The following CFAP54 variants were observed in gnomAD, a reference collection of about 807,000 sequenced individuals.
The protein encoded by CFAP54 is cilia- and flagella-associated protein 54.
A neutral mutation model predicts 370.4 loss-of-function variants in CFAP54; 290 were observed. The observed-to-expected ratio is 0.78, with a 90% CI of 0.71 to 0.86. CFAP54 has a LOEUF of 0.86. CFAP54 is among the 40% of genes least tolerant of loss of function. CFAP54 has a pLI of 0.00. For missense variants in CFAP54, 3,399 were observed against 3,528.7 expected, an observed-to-expected ratio of 0.96 and a Z score of 0.93; for synonymous variants, 1,206 against 1,236.5, an observed-to-expected ratio of 0.98 and a Z score of 0.52.
In CFAP54 at chr12:96,691,320, T is replaced by A; in HGVS notation, c.6264+10T>A. 6.4e-7 allele frequency: 1 copy of A among 1,558,318 alleles called. No homozygotes were observed. Among genetic ancestry groups the A allele is most frequent in the Non-Finnish European group, 8.7e-7 (1 of 1,154,320 alleles). On this transcript the variant is annotated intron_variant, in intron 44 of 67. Coordinates refer to ENST00000524981, the MANE Select transcript of CFAP54 (RefSeq NM_001306084.2). The stretch of plus-strand genomic sequence containing the variant: ...TAGGCAAAACCTAATAGTAAGTAAT[T>A]TGTAAAATAAAAATTATATATCACT...
In CFAP54 at chr12:96,684,629, T is replaced by C. The variant is rs1317965408; in HGVS notation, c.5717-19T>C. ...TTCTAGGAACTGACATTTGTTCTTT[T>C]ACTTGATTAAAAATATAGATGTTCT... On this transcript the variant is annotated intron_variant, in intron 40 of 67. Coordinates refer to ENST00000524981, the MANE Select transcript of CFAP54 (RefSeq NM_001306084.2). 1.3e-6 allele frequency: 2 copies of C among 1,579,648 alleles called. No individual in the cohort carries two copies. The highest frequency in any genetic ancestry group is 1.7e-6 in the Non-Finnish European group (2 of 1,161,470).
chr12:96,816,809 G>A (rs1294975578), intron 64 of CFAP54, among the ~76,000 whole-genome samples: 1 of 152,198 alleles, frequency 6.6e-6, no homozygotes, highest in Non-Finnish European at 1.5e-5. Context: ...TCAACTGTAA[G>A]CCTTTTCACC....
At position 96,503,898 on chromosome 12, in the gene CFAP54, G is replaced by A; in HGVS notation, c.436G>A (p.Ala146Thr). ...SLCQMKEYKL[A>T]LLQCYGRYLQ... Reference sequence around the variant, plus strand: ...CCTTTTGTTTCAGGAATACAAACTGGCCCTTTTACAATGCTATGGAAGATA... The same window carrying A: ...CCTTTTGTTTCAGGAATACAAACTGACCCTTTTACAATGCTATGGAAGATA... The change falls in exon 3 of 68, where the codon GCC (alanine) becomes ACC (threonine). Residue 146 changes from alanine (A) to threonine (T), a missense_variant. Transcript: ENST00000524981. 6.7e-7 allele frequency: 1 copy of A among 1,486,528 alleles called. No homozygotes were observed. Among genetic ancestry groups the A allele is most frequent in the South Asian group, 1.3e-5 (1 of 74,704 alleles). 92.1% of individuals were successfully genotyped at this position (1,486,528 alleles called of 1,614,324 possible). A position where few individuals can be genotyped will look rare whatever the true frequency, so the allele number is the denominator to read the frequency against.
At position 96,594,430 on chromosome 12, in the gene CFAP54, T is replaced by C. The variant is rs1388907542; in HGVS notation, c.3500T>C (p.Leu1167Ser). The C allele has an allele frequency of 2.0e-6, 3 of 1,533,114 alleles. No homozygotes were observed. The highest frequency in any genetic ancestry group is 2.4e-5 in the East Asian group (1 of 40,872). 95.0% of individuals were successfully genotyped at this position (1,533,114 alleles called of 1,614,324 possible). A position where few individuals can be genotyped will look rare whatever the true frequency, so the allele number is the denominator to read the frequency against. The change falls in exon 25 of 68, where the codon TTG (leucine) becomes TCG (serine). Residue 1167 changes from leucine (L) to serine (S), a missense_variant. This residue lies in a region of CFAP54 where 2,796 missense variants were observed against 2,869.7 expected (regional missense o/e 0.97). Transcript: ENST00000524981. Reference protein sequence around the residue: ...LAPIIYHNIVLVPVVQILIKC... With the variant: ...LAPIIYHNIVSVPVVQILIKC... ...CCCATAATTTATCACAATATTGTTT[T>C]GGTACCTGTTGTACAGGTAAGGGTA... is the stretch of plus-strand genomic sequence containing the variant.
intron 25 of CFAP54, among the ~76,000 whole-genome samples, chr12:96,595,121 T>A (rs1956163646): frequency 6.6e-6 from 1 of 152,142 alleles, no homozygotes; most frequent in Admixed American, 6.5e-5. Context: ...AGAATTCATT[T>A]CCTTGAGGTT....
intron 15 of CFAP54, among the ~76,000 whole-genome samples, chr12:96,551,515 G>A (rs1325298708): frequency 6.6e-6 from 1 of 150,726 alleles, no homozygotes; most frequent in Non-Finnish European, 1.5e-5. Flanking sequence ...GTGTGTGTGT[G>A]TGTGTGTGTC....
At chr12:96,624,020 C>G in intron 28 of CFAP54, 139 bp downstream of exon 28, 1 of 576,478 alleles carries the variant, frequency 1.7e-6, no homozygotes, top group Non-Finnish European at 3.0e-6. Flanking sequence ...ATCATTAATC[C>G]TAACAATACC....
intron 65 of CFAP54, among the ~76,000 whole-genome samples, chr12:96,827,694 ATATAT>A (rs1227238874): frequency 1.3e-4 from 7 of 52,028 alleles, no homozygotes; most frequent in African/African-American, 3.8e-4. Context: ...ATACATAGTA[ATATAT>A]TATATTATAT....
intron 65 of CFAP54, among the ~76,000 whole-genome samples, chr12:96,826,621 A>G (rs1959109347): frequency 9.2e-6 from 1 of 108,168 alleles, no homozygotes; most frequent in African/African-American, 3.8e-5. Flanking sequence ...ATATCATGAT[A>G]TATGTTATAT....
chr12:96,527,088 G>A (rs1439219031), intron 8 of CFAP54, among the ~76,000 whole-genome samples, 158 bp from the exon 9 acceptor site: 1 of 151,926 alleles, frequency 6.6e-6, no homozygotes, highest in African/African-American at 2.4e-5. Flanking sequence ...GTTGAAATGG[G>A]GGTCTCACTG....
intron 66 of CFAP54, among the ~76,000 whole-genome samples, chr12:96,837,361 T>G (rs1400381554): frequency 6.6e-6 from 1 of 152,226 alleles, no homozygotes; most frequent in African/African-American, 2.4e-5. Context: ...TATCTGGTAC[T>G]GAGTTATCAT....
chr12:96,548,962 C>T (rs1955667552), intron 15 of CFAP54, among the ~76,000 whole-genome samples: 1 of 151,968 alleles, frequency 6.6e-6, no homozygotes, highest in Non-Finnish European at 1.5e-5. Context: ...TCAAGCCAGT[C>T]TCCTGCCTCA....
intron 40 of CFAP54, among the ~76,000 whole-genome samples, chr12:96,683,346 C>T (rs1957291873): frequency 6.6e-6 from 1 of 152,176 alleles, no homozygotes; most frequent in Non-Finnish European, 1.5e-5. Context: ...CAAATACTAT[C>T]AACATGGTTA....
At chr12:96,573,062 T>C in intron 19 of CFAP54, 1 of 984,716 alleles carries the variant, frequency 1.0e-6, no homozygotes, top group Non-Finnish European at 1.2e-6. Context: ...TCAAAGGCAG[T>C]CTGCTTGACT....
At chr12:96,611,784 T>A (rs1294482267) in intron 26 of CFAP54, among the ~76,000 whole-genome samples, 1 of 151,282 alleles carries the variant, frequency 6.6e-6, no homozygotes, top group African/African-American at 2.4e-5. Flanking sequence ...TGAAGTTGAT[T>A]CGATCAACAG....
intron 40 of CFAP54, among the ~76,000 whole-genome samples, chr12:96,681,131 AC>A (rs1957265747): frequency 2.0e-5 from 3 of 151,200 alleles, no homozygotes; most frequent in Non-Finnish European, 2.9e-5. Flanking sequence ...ACACACACAC[AC>A]AAAAAGTGGG....
intron 14 of CFAP54, 109 bp from the exon 15 acceptor site, chr12:96,547,793 C>T (rs1955656318): frequency 7.1e-6 from 3 of 421,398 alleles, no homozygotes; most frequent in Middle Eastern, 3.1e-4. Flanking sequence ...TTCGTTTCCT[C>T]CTCACTCTTG....
intron 6 of CFAP54, among the ~76,000 whole-genome samples, chr12:96,520,566 T>G (rs1955295876): frequency 6.8e-6 from 1 of 147,860 alleles, no homozygotes. Context: ...GAGCTTCTAT[T>G]GGCCTGTAGA....
At chr12:96,588,424 G>A (rs1956093076) in intron 22 of CFAP54, among the ~76,000 whole-genome samples, 1 of 152,080 alleles carries the variant, frequency 6.6e-6, no homozygotes, top group East Asian at 1.9e-4. Flanking sequence ...GTGATGTTAT[G>A]GGTTTTATGC....
Sources: gnomAD v4.1 joint callset for allele counts (sites outside exome capture counted in the v4.1 genomes callset) on GRCh38, gnomAD v4.1.1 for gene constraint, gnomAD v4.1.1 regional missense constraint, MANE v1.5 for transcripts, NCBI Gene and HGNC (gene_info 2026-07-23, HGNC 2026-07-21) for gene names.